The following HUNK variants were observed in gnomAD, a reference collection of about 807,000 sequenced individuals.
HUNK encodes hormonally up-regulated Neu-associated kinase.
HUNK carries 21 observed loss-of-function variants against 61.0 expected under a neutral mutation model. That is an observed-to-expected ratio of 0.34 (90% CI 0.24 to 0.50). The LOEUF (loss-of-function observed/expected upper bound fraction) is 0.50. HUNK is among the 20% of genes least tolerant of loss of function. The pLI, the probability that HUNK is intolerant of heterozygous loss-of-function variation, is 0.98. For synonymous variants in HUNK, 371 were observed against 386.1 expected (o/e 0.96, Z 0.46); for missense variants, 772 against 945.7 (o/e 0.82, Z 2.41).
chr21:31,940,656 A>C (rs187193274), intron 3 of HUNK, among the ~76,000 whole-genome samples: 88 of 152,322 alleles, frequency 5.8e-4, no homozygotes, highest in Middle Eastern at 3.4e-3. Context: ...TGTGCAGAGA[A>C]GTCCCCACAA....
intron 7 of HUNK, among the ~76,000 whole-genome samples, chr21:31,975,444 G>A (rs2053041993): frequency 6.6e-6 from 1 of 152,216 alleles, no homozygotes; most frequent in African/African-American, 2.4e-5. Context: ...ACAATATGGA[G>A]TCTGCATACA....
At chr21:31,925,233 C>G (rs893269858) in intron 2 of HUNK, among the ~76,000 whole-genome samples, 1 of 152,214 alleles carries the variant, frequency 6.6e-6, no homozygotes, top group African/African-American at 2.4e-5. Flanking sequence ...TGGCTCTGCC[C>G]TGTAACAGTT....
At chr21:31,915,505 GT>G (rs1460307638) in intron 1 of HUNK, among the ~76,000 whole-genome samples, 2 of 152,138 alleles carry the variant, frequency 1.3e-5, no homozygotes, top group African/African-American at 4.8e-5. Context: ...TGTATAATGT[GT>G]AAAACACATA....
At chr21:31,903,082 T>A (rs1298499045) in intron 1 of HUNK, among the ~76,000 whole-genome samples, 2 of 152,146 alleles carry the variant, frequency 1.3e-5, no homozygotes, top group African/African-American at 4.8e-5. Context: ...AAACTCTTTC[T>A]AACATGATTT....
intron 5 of HUNK, among the ~76,000 whole-genome samples, chr21:31,962,713 T>A (rs2052937320): frequency 6.6e-6 from 1 of 152,270 alleles, no homozygotes; most frequent in Admixed American, 6.5e-5. Flanking sequence ...GGGAATCTGA[T>A]GCTCTCCCCA....
At chr21:31,900,446 A>AACACACACAC (rs3138690) in intron 1 of HUNK, among the ~76,000 whole-genome samples, 5,631 of 143,030 alleles carry the variant, frequency 0.039, 203 homozygotes, top group Admixed American at 0.077. Context: ...TAGTTACTGA[A>AACACACACAC]ACACACACAC....
rs193292665 is a variant in HUNK, at chr21:31,912,289, G to C, written c.262-12179G>C. 6.9e-4 allele frequency among the ~76,000 whole-genome samples: 105 copies of C among 152,294 alleles called. 2 individuals are homozygous for C. In the East Asian group the frequency reaches 0.016, roughly 23 times the overall value. ...GAAATGACCGAGGGTTTGGTGCCTG[G>C]AAGGGGGTTCTGAAAGTGTTCTAGG... On this transcript the variant is annotated intron_variant, in intron 1 of 10. Coordinates refer to ENST00000270112, the MANE Select transcript of HUNK (RefSeq NM_014586.2).
intron 2 of HUNK, among the ~76,000 whole-genome samples, chr21:31,938,264 C>T (rs970049413): frequency 6.6e-6 from 1 of 152,202 alleles, no homozygotes; most frequent in Admixed American, 6.5e-5. Flanking sequence ...GTCTTTCCCC[C>T]GCACCACTTC....
intron 8 of HUNK, among the ~76,000 whole-genome samples, chr21:31,985,802 G>A (rs1401619061): frequency 1.7e-4 from 26 of 152,106 alleles, no homozygotes. Flanking sequence ...TTTGGGGGGT[G>A]GGAGAGGGGA....
At chr21:31,933,776 C>T (rs1176478670) in intron 2 of HUNK, among the ~76,000 whole-genome samples, 24 of 141,822 alleles carry the variant, frequency 1.7e-4, no homozygotes, top group African/African-American at 6.3e-4. Flanking sequence ...CAGAGCAAGA[C>T]TCTGTCTCAA....
Position 31,999,250 on chromosome 21 carries a change from C to A in HUNK, c.*66C>A. On this transcript the variant is annotated 3_prime_UTR_variant, in exon 11 of 11. Transcript: ENST00000270112. ...ACTGAACAGAGCTCCACACATCTGTCAGGGTGTGAGCACTCCAAGGCCTCG... is the reference window on the plus strand; with the variant it reads ...ACTGAACAGAGCTCCACACATCTGTAAGGGTGTGAGCACTCCAAGGCCTCG... 1.4e-6 allele frequency: 2 copies of A among 1,420,400 alleles called. No homozygotes were observed. The highest frequency in any genetic ancestry group is 1.9e-6 in the Non-Finnish European group (2 of 1,039,428). The allele number at this position is 1,420,400 out of a possible 1,614,324, so 88.0% of individuals were successfully genotyped here. A position where few individuals can be genotyped will look rare whatever the true frequency, so the allele number is the denominator to read the frequency against.
chr21:31,938,026 G>A (rs926202874), intron 2 of HUNK, among the ~76,000 whole-genome samples: 1 of 152,194 alleles, frequency 6.6e-6, no homozygotes, highest in African/African-American at 2.4e-5. Context: ...GTTTGAACAT[G>A]GATCTTCCTT....
chr21:31,898,405 A>G (rs540285096), intron 1 of HUNK, among the ~76,000 whole-genome samples: 15 of 152,242 alleles, frequency 9.9e-5, no homozygotes, highest in African/African-American at 3.6e-4. Context: ...AGCTGGGACT[A>G]TAGGCATCCG....
intron 10 of HUNK, among the ~76,000 whole-genome samples, chr21:31,996,199 G>GCAAA (rs2053204701): frequency 6.6e-6 from 1 of 152,168 alleles, no homozygotes; most frequent in Non-Finnish European, 1.5e-5. Flanking sequence ...CAGAAATTGG[G>GCAAA]GTGGATGATA....
intron 1 of HUNK, among the ~76,000 whole-genome samples, chr21:31,875,635 C>T (rs1323710197): frequency 6.6e-6 from 1 of 152,160 alleles, no homozygotes; most frequent in African/African-American, 2.4e-5. Context: ...CGCGAGGATG[C>T]GGCTAATTAG....
Position 31,918,296 on chromosome 21 carries a change from T to C in HUNK, c.262-6172T>C, listed in dbSNP as rs562623798. Among the ~76,000 whole-genome samples the C allele has an allele frequency of 2.6e-5, 4 of 152,286 alleles. No homozygotes were observed. The East Asian group carries it at 7.7e-4, about 29-fold the overall frequency. ...ATTTGAAAATTGAGAGGGAGCTTAA[T>C]AGGAAACCTTCTCCAAGGTGAGGTA... On this transcript the variant is annotated intron_variant, in intron 1 of 10. Transcript: ENST00000270112.
chr21:31,998,288 G>A (rs1396190418), intron 10 of HUNK, among the ~76,000 whole-genome samples: 2 of 152,172 alleles, frequency 1.3e-5, no homozygotes, highest in East Asian at 1.9e-4. Flanking sequence ...TTGGAATCCA[G>A]GAGACGTCCT....
Position 31,873,863 on chromosome 21 carries a change from C to T in HUNK, c.189C>T (p.Ile63=). ...ACAAGCGCGTGGGCAACTACCTCAT[C>T]GGCAGCAGGAAGCTGGGCGAGGGCT... is the stretch of plus-strand genomic sequence containing the variant. ...QHHKRVGNYL[I]GSRKLGEGSF... is the part of the protein sequence containing the mutation. Residue 63 remains isoleucine (I), a synonymous_variant, in exon 1 of 11, where the codon ATC becomes ATT. Coordinates refer to ENST00000270112, the MANE Select transcript of HUNK (RefSeq NM_014586.2). This position sits in a 1 kb window ranked among gnomAD's most constrained non-coding sequence, Gnocchi z 6.1. The T allele has an allele frequency of 1.3e-6, 2 of 1,586,314 alleles. No homozygotes were observed. The highest frequency in any genetic ancestry group is 1.7e-4 in the Middle Eastern group (1 of 5,976).
Position 31,991,985 on chromosome 21 carries a change from C to T in HUNK, c.1305+1809C>T, listed in dbSNP as rs369293178. On this transcript the variant is annotated intron_variant, in intron 9 of 10. Coordinates refer to ENST00000270112, the MANE Select transcript of HUNK (RefSeq NM_014586.2). ...GGAAGGATCCACACTTTTGGTTACA[C>T]GTGGGAAAACACCTCCCTCGAGGAG... Among the ~76,000 whole-genome samples the T allele has an allele frequency of 1.1e-4, 16 of 152,344 alleles. No homozygotes were observed. In the South Asian group the frequency reaches 1.2e-3, roughly 12 times the overall value.
Sources: gnomAD v4.1 joint callset for allele counts (sites outside exome capture counted in the v4.1 genomes callset) on GRCh38, gnomAD v4.1.1 for gene constraint, Gnocchi (gnomAD v3.1) non-coding constraint, MANE v1.5 for transcripts, NCBI Gene and HGNC (gene_info 2026-07-23, HGNC 2026-07-21) for gene names.